PLCH1: variants seen among roughly 807,000 people sequenced by gnomAD.
PLCH1 encodes the protein phospholipase C eta 1.
Under a neutral mutation model 126.7 loss-of-function variants are expected in PLCH1, and 60 were observed. That is an observed-to-expected ratio of 0.47 (90% CI 0.38 to 0.59). The LOEUF (loss-of-function observed/expected upper bound fraction) is 0.59. Among genes scored for constraint, PLCH1 ranks in the 20% least tolerant of loss-of-function variants. The probability of loss-of-function intolerance (pLI) is 0.00; values close to 1 mark genes in which losing one functional copy is unlikely to be tolerated. For missense variants in PLCH1, 1,723 were observed against 2,040.0 expected (o/e 0.84, Z 2.99); for synonymous variants, 719 against 734.9 (o/e 0.98, Z 0.35).
At chr3:155,704,991 G>A (rs1746550295) in intron 1 of PLCH1, among the ~76,000 whole-genome samples, 1 of 152,156 alleles carries the variant, frequency 6.6e-6, no homozygotes, top group East Asian at 1.9e-4. Flanking sequence ...TCCAAAAGCT[G>A]ACGTGCATAA....
intron 9 of PLCH1, among the ~76,000 whole-genome samples, chr3:155,551,095 C>T (rs1726052031): frequency 6.6e-6 from 1 of 152,162 alleles, no homozygotes; most frequent in Non-Finnish European, 1.5e-5. Flanking sequence ...AGTTGTCCTG[C>T]AGTCACATCA....
chr3:155,706,702 G>A (rs1746701106), intron 1 of PLCH1, among the ~76,000 whole-genome samples: 1 of 151,978 alleles, frequency 6.6e-6, no homozygotes, highest in African/African-American at 2.4e-5. Context: ...AGTATGGGCT[G>A]GACTCAGTGA....
chr3:155,651,065 A>G (rs1577241875), intron 2 of PLCH1, among the ~76,000 whole-genome samples: 1 of 152,210 alleles, frequency 6.6e-6, no homozygotes, highest in East Asian at 1.9e-4. Context: ...GATTTAAACA[A>G]TAATATTCAA....
intron 10 of PLCH1, among the ~76,000 whole-genome samples, 194 bp from the exon 11 acceptor site, chr3:155,524,198 T>A (rs991265989): frequency 4.6e-5 from 7 of 152,248 alleles, no homozygotes; most frequent in Admixed American, 2.0e-4. Flanking sequence ...GAAGGTATTA[T>A]GCTGATTGAA....
At chr3:155,594,262 C>CA in intron 3 of PLCH1, 78 bp from the exon 4 acceptor site, 1 of 1,344,364 alleles carries the variant, frequency 7.4e-7, no homozygotes. Context: ...ACAAGAAAAG[C>CA]AAAATCATTT....
chr3:155,512,051 G>C lies in PLCH1; in HGVS notation c.1632+2672C>G, dbSNP rs377540813. The stretch of plus-strand genomic sequence containing the variant: ...TGAGCCAGGTGTGGGATATAGTCTC[G>C]TGGTGCGCCGTTTCTTAAGCCGGTC... On this transcript the variant is annotated intron_variant, in intron 12 of 22. Coordinates refer to ENST00000460012, the MANE Select transcript of PLCH1 (RefSeq NM_014996.4). Among the ~76,000 whole-genome samples, 130 of 150,482 alleles carry C rather than the reference G, an allele frequency of 8.6e-4. 1 individual carries two copies. In the East Asian group the frequency reaches 0.022, roughly 26 times the overall value.
chr3:155,631,532 T>G (rs1738021323), intron 2 of PLCH1, among the ~76,000 whole-genome samples: 1 of 152,208 alleles, frequency 6.6e-6, no homozygotes, highest in African/African-American at 2.4e-5. Flanking sequence ...CCTGTAAGGC[T>G]GCTTCCCTGA....
intron 10 of PLCH1, among the ~76,000 whole-genome samples, chr3:155,526,455 CTT>C (rs1491173031): frequency 4.1e-5 from 6 of 146,844 alleles, no homozygotes; most frequent in African/African-American, 1.5e-4. Context: ...TTCTCTCTCT[CTT>C]CTCTCTTTCT....
At chr3:155,571,285 T>C (rs1729191294) in intron 6 of PLCH1, among the ~76,000 whole-genome samples, 1 of 152,218 alleles carries the variant, frequency 6.6e-6, no homozygotes. Context: ...CAAAGGGTTA[T>C]ATTTGTAACT....
At chr3:155,487,864 A>G (rs1715499622) in intron 21 of PLCH1, among the ~76,000 whole-genome samples, 164 bp downstream of exon 21, 1 of 152,248 alleles carries the variant, frequency 6.6e-6, no homozygotes, top group Non-Finnish European at 1.5e-5. Context: ...GTACAGGTGG[A>G]TCAGGACATG....
chr3:155,733,934 CATATATAT>C (rs35149793), intron 1 of PLCH1, among the ~76,000 whole-genome samples: 1,176 of 98,114 alleles, frequency 0.012, 21 homozygotes, highest in African/African-American at 0.031. Flanking sequence ...AACAGGTATA[CATATATAT>C]ATATATATAT....
chr3:155,601,873 C>A (rs1390022825), intron 2 of PLCH1, among the ~76,000 whole-genome samples: 1 of 152,166 alleles, frequency 6.6e-6, no homozygotes, highest in Non-Finnish European at 1.5e-5. Flanking sequence ...CAGTCCTGGA[C>A]AACCACTGAC....
intron 21 of PLCH1, among the ~76,000 whole-genome samples, chr3:155,466,259 C>T (rs7618495): frequency 0.29 from 44,253 of 152,058 alleles, 7,328 homozygotes; most frequent in African/African-American, 0.44. Context: ...TCTTCACCCC[C>T]AGGTTTACGT....
chr3:155,661,212 G>A (rs1742096374), intron 2 of PLCH1, among the ~76,000 whole-genome samples: 1 of 152,128 alleles, frequency 6.6e-6, no homozygotes, highest in African/African-American at 2.4e-5. Flanking sequence ...TTTGGCTAAG[G>A]CAATGAAAGG....
At chr3:155,716,059 T>G (rs1747482506) in intron 1 of PLCH1, among the ~76,000 whole-genome samples, 1 of 152,230 alleles carries the variant, frequency 6.6e-6, no homozygotes, top group Non-Finnish European at 1.5e-5. Flanking sequence ...ACTCATAGTA[T>G]TTTTGTTATC....
intron 4 of PLCH1, among the ~76,000 whole-genome samples, chr3:155,589,278 T>C (rs1231610110): frequency 1.3e-5 from 2 of 152,158 alleles, no homozygotes; most frequent in Non-Finnish European, 2.9e-5. Context: ...TCTGTCACTG[T>C]TATGAGAAAG....
intron 21 of PLCH1, chr3:155,456,994 A>C (rs1282546263): frequency 6.6e-6 from 1 of 152,382 alleles, no homozygotes; most frequent in Non-Finnish European, 1.5e-5. Context: ...TAGACTTTGC[A>C]CAGGGAAACA....
chr3:155,498,039 C>T (rs1172851797), intron 14 of PLCH1, among the ~76,000 whole-genome samples: 3 of 152,170 alleles, frequency 2.0e-5, no homozygotes, highest in Non-Finnish European at 4.4e-5. Context: ...GTATGCCATT[C>T]TTAGTAGCAT....
rs539632934 is a variant in PLCH1, at chr3:155,628,381, T to C, written c.80-32003A>G. The stretch of plus-strand genomic sequence containing the variant: ...GAAAAAAAAAAAAAAAAAAAAATCC[T>C]TATCCTCGAAGACACAGAGACACCA... On this transcript the variant is annotated intron_variant, in intron 2 of 22. Transcript: ENST00000460012. Among the ~76,000 whole-genome samples the C allele has an allele frequency of 1.3e-4, 15 of 114,022 alleles. No homozygotes were observed. The East Asian group carries it at 4.9e-3, about 38-fold the overall frequency. 74.8% of individuals were successfully genotyped at this position (114,022 alleles called of 152,430 possible).
Sources: gnomAD v4.1 joint callset for allele counts (sites outside exome capture counted in the v4.1 genomes callset) on GRCh38, gnomAD v4.1.1 for gene constraint, MANE v1.5 for transcripts, NCBI Gene and HGNC (gene_info 2026-07-23, HGNC 2026-07-21) for gene names.